Variants in ZNF211 observed in about 807,000 individuals in gnomAD.
ZNF211 encodes zinc finger protein 211, also known as zinc finger protein C2H2-25.
A neutral mutation model predicts 12.1 loss-of-function variants in ZNF211; 18 were observed. The ratio of observed to expected loss-of-function variants is 1.48; its 90% CI spans 1.03 to 2.20. The LOEUF (loss-of-function observed/expected upper bound fraction) is 2.20. ZNF211 is among the 30% of genes most tolerant of loss of function. The pLI, the probability that ZNF211 is intolerant of heterozygous loss-of-function variation, is 0.00. For missense variants in ZNF211, 677 were observed against 703.1 expected, an observed-to-expected ratio of 0.96 and a Z score of 0.42; for synonymous variants, 249 against 246.0, an observed-to-expected ratio of 1.01 and a Z score of -0.11.
intron 1 of ZNF211, 25 bp downstream of exon 1, chr19:57,633,461 C>G: frequency 6.4e-7 from 1 of 1,573,524 alleles, no homozygotes; most frequent in South Asian, 1.2e-5. Flanking sequence ...CTCCGGGCCT[C>G]CCCCGGCCGA....
intron 2 of ZNF211, 69 bp downstream of exon 2, chr19:57,634,130 C>G: frequency 6.8e-7 from 1 of 1,478,412 alleles, no homozygotes; most frequent in Non-Finnish European, 9.1e-7. Context: ...CAGATATTTT[C>G]TTTAGATTTG....
At chr19:57,638,170 A>G (rs1982383860) in intron 3 of ZNF211, among the ~76,000 whole-genome samples, 1 of 152,124 alleles carries the variant, frequency 6.6e-6, no homozygotes, top group African/African-American at 2.4e-5. Context: ...AAGTGCTGGA[A>G]TTACAGGCAT....
At position 57,633,360 on chromosome 19, in the gene ZNF211, C is replaced by T. The variant is rs758946683; in HGVS notation, c.14C>T (p.Pro5Leu). MLGF[P>L]PGRPQLPVQL... ...CTGGGGATAGCGATGCTCGGGTTCC[C>T]CCCGGGTCGCCCGCAGCTCCCGGTC... Residue 5 changes from proline to leucine, a missense_variant, in exon 1 of 4, where the codon CCC becomes CTC. Pro to Leu is a moderately conservative substitution (Grantham distance 98). Coordinates refer to ENST00000240731, the MANE Select transcript of ZNF211 (RefSeq NM_006385.5). 6.3e-6 allele frequency: 10 copies of T among 1,596,504 alleles called. No individual in the cohort carries two copies. Among genetic ancestry groups the T allele is most frequent in the African/African-American group, 2.7e-5 (2 of 74,894 alleles).
chr19:57,639,554 C>T (rs955788360), intron 3 of ZNF211, among the ~76,000 whole-genome samples: 14 of 149,532 alleles, frequency 9.4e-5, no homozygotes, highest in Non-Finnish European at 1.8e-4. Context: ...TGAGTAATCC[C>T]TCCTGGGATT....
intron 3 of ZNF211, among the ~76,000 whole-genome samples, chr19:57,636,239 A>T (rs1982116522): frequency 6.6e-6 from 1 of 152,040 alleles, no homozygotes; most frequent in Non-Finnish European, 1.5e-5. Flanking sequence ...CAAGTTTCTC[A>T]TTTTGATGAA....
intron 3 of ZNF211, among the ~76,000 whole-genome samples, chr19:57,636,147 C>T (rs1307916307): frequency 6.6e-6 from 1 of 151,962 alleles, no homozygotes; most frequent in African/African-American, 2.4e-5. Context: ...TAGATATTCC[C>T]TTATCAGATA....
At position 57,633,451 on chromosome 19, in the gene ZNF211, C is replaced by A; in HGVS notation, c.90+15C>A. 6.3e-7 allele frequency: 1 copy of A among 1,585,616 alleles called. No individual in the cohort carries two copies. Among genetic ancestry groups the A allele is most frequent in the Non-Finnish European group, 8.5e-7 (1 of 1,171,936 alleles). On this transcript the variant is annotated intron_variant, in intron 1 of 3. Transcript: ENST00000240731. ...ACCCGGCTTCGGTGAGCGCTGCGAT[C>A]TCCGGGCCTCCCCCGGCCGAGATTC...
chr19:57,642,036 C>T lies in ZNF211; in HGVS notation c.1589C>T (p.Ser530Phe), dbSNP rs199579625. Residue 530 changes from serine to phenylalanine, a missense_variant, in exon 4 of 4, where the codon TCC becomes TTC. Coordinates refer to ENST00000240731, the MANE Select transcript of ZNF211 (RefSeq NM_006385.5). ...TATGAGTGCAGTGAATGTGGGAAAT[C>T]CTTTAGCCAAAGTTCTAGCCTCATT... Reference protein sequence around the residue: ...RPYECSECGKSFSQSSSLIQH... With the variant: ...RPYECSECGKFFSQSSSLIQH... 6.2e-6 allele frequency: 10 copies of T among 1,614,048 alleles called. No homozygotes were observed. The highest frequency in any genetic ancestry group is 1.3e-5 in the African/African-American group (1 of 74,932).
At chr19:57,637,239 A>G (rs1982256964) in intron 3 of ZNF211, among the ~76,000 whole-genome samples, 1 of 150,908 alleles carries the variant, frequency 6.6e-6, no homozygotes. Context: ...TCTTGTCCTT[A>G]ATCTTAGAGG....
rs1439083682 is a variant in ZNF211, at chr19:57,633,415, C to T, written c.69C>T (p.Thr23=). The T allele has an allele frequency of 3.2e-5, 51 of 1,602,870 alleles. No individual in the cohort carries two copies. Among genetic ancestry groups the T allele is most frequent in the Non-Finnish European group, 4.1e-5 (48 of 1,178,384 alleles). The change falls in exon 1 of 4, where the codon ACC becomes ACT. Residue 23 remains threonine, a synonymous_variant. Transcript: ENST00000240731. ...TCCGCCCACAGACTCGGATGGCGAC[C>T]GCACTGAGGGACCCGGCTTCGGTGA... ...VQLRPQTRMA[T]ALRDPASVPI...
chr19:57,640,955 C>T lies in ZNF211; in HGVS notation c.508C>T (p.His170Tyr), dbSNP rs1231044966. The T allele has an allele frequency of 6.2e-7, 1 of 1,614,214 alleles. No homozygotes were observed. The highest frequency in any genetic ancestry group is 8.5e-7 in the Non-Finnish European group (1 of 1,180,040). The part of the protein sequence containing the change: ...SANLQQHQRQ[H>Y]ITEAPFRSYV... ...AAATCTTCAACAGCACCAGAGGCAG[C>T]ACATTACAGAGGCACCTTTCAGAAG... Residue 170 changes from histidine to tyrosine, a missense_variant, in exon 4 of 4, where the codon CAC (histidine) becomes TAC (tyrosine). His to Tyr is a moderately conservative substitution (Grantham distance 83). Coordinates refer to ENST00000240731, the MANE Select transcript of ZNF211 (RefSeq NM_006385.5).
chr19:57,640,292 T>C (rs1048768790), intron 3 of ZNF211, among the ~76,000 whole-genome samples: 1 of 152,254 alleles, frequency 6.6e-6, no homozygotes, highest in African/African-American at 2.4e-5. Context: ...TAGTGTTCTT[T>C]AATATTATTT....
At chr19:57,633,645 C>G (rs1265332209) in intron 1 of ZNF211, 3 of 1,533,878 alleles carry the variant, frequency 2.0e-6, no homozygotes, top group Non-Finnish European at 1.7e-6. Flanking sequence ...AGGGGGCATT[C>G]AGGAACCTGG....
Position 57,633,381 on chromosome 19 carries a change from C to T in ZNF211, c.35C>T (p.Pro12Leu), listed in dbSNP as rs773995396. ...TTCCCCCCGGGTCGCCCGCAGCTCC[C>T]GGTCCAGCTCCGCCCACAGACTCGG... ...LGFPPGRPQL[P>L]VQLRPQTRMA... Residue 12 changes from proline to leucine, a missense_variant, in exon 1 of 4, where the codon CCG (proline) becomes CTG (leucine). Pro to Leu is a moderately conservative substitution (Grantham distance 98). Transcript: ENST00000240731. The T allele has an allele frequency of 5.0e-6, 8 of 1,603,032 alleles. No homozygotes were observed. Among genetic ancestry groups the T allele is most frequent in the Middle Eastern group, 1.7e-4 (1 of 5,998 alleles).
chr19:57,641,565 G>A lies in ZNF211; in HGVS notation c.1118G>A (p.Arg373His), dbSNP rs142923663. 1,459 of 1,612,996 alleles carry A rather than the reference G, an allele frequency of 9.0e-4. No homozygotes were observed. The highest frequency in any genetic ancestry group is 1.3e-3 in the Middle Eastern group (8 of 6,052). Residue 373 changes from arginine to histidine, a missense_variant, in exon 4 of 4, where the codon CGC becomes CAC. Physicochemically the swap from Arg to His is conservative, Grantham distance 29. Transcript: ENST00000240731. ...CAAAGGTCCAACCTCATGCAGCATC[G>A]CAGAGTTCACACTGGAGAAAGGCCT... ...FSQRSNLMQH[R>H]RVHTGERPYE... is the part of the protein sequence containing the mutation.
chr19:57,634,035 A>T lies in ZNF211; in HGVS notation c.103A>T (p.Thr35Ser), dbSNP rs1981814722. The change falls in exon 2 of 4, where the codon ACA becomes TCA. Residue 35 changes from threonine (T) to serine (S), a missense_variant. Physicochemically the swap from Thr to Ser is moderately conservative, Grantham distance 58 (BLOSUM62 1). Transcript: ENST00000240731. ...CGTCTTTCCACAGGTTCCCATAGCT[A>T]CAGAGGTGCTTTTCAAACTTACACA... ...LRDPASVPIA[T>S]EVLFKLTQGS... is the part of the protein sequence containing the mutation. 6.3e-7 allele frequency: 1 copy of T among 1,586,552 alleles called. No individual in the cohort carries two copies. The highest frequency in any genetic ancestry group is 8.6e-7 in the Non-Finnish European group (1 of 1,168,342).
In ZNF211 at chr19:57,642,226, AG is replaced by A; in HGVS notation, c.*47del. ...TTTCCTTTTAGTGTAATTATACTGA[AG>A]GAGTACACCTGTGAGAGAGACAAGT... On this transcript the variant is annotated 3_prime_UTR_variant, in exon 4 of 4. Coordinates refer to ENST00000240731, the MANE Select transcript of ZNF211 (RefSeq NM_006385.5). 1 of 1,541,818 alleles carries A rather than the reference AG, an allele frequency of 6.5e-7. No individual in the cohort carries two copies. Among genetic ancestry groups the A allele is most frequent in the Admixed American group, 1.9e-5 (1 of 52,518 alleles).
chr19:57,640,224 G>A (rs188944451), intron 3 of ZNF211, among the ~76,000 whole-genome samples: 6 of 152,252 alleles, frequency 3.9e-5, no homozygotes, highest in African/African-American at 1.2e-4. Context: ...TCTAGCTAAC[G>A]CTAATCCTCA....
chr19:57,640,946 C>T lies in ZNF211; in HGVS notation c.499C>T (p.Gln167Ter), dbSNP rs878910215. Residue 167 changes from glutamine to a stop codon, truncating the protein, a stop_gained, in exon 4 of 4, where the codon CAG (glutamine) becomes TAG (stop). Transcript: ENST00000240731. LOFTEE classifies it low-confidence loss of function (END_TRUNC). ...CATCAGTGCAAATCTTCAACAGCAC[C>T]AGAGGCAGCACATTACAGAGGCACC... ...FYISANLQQH[Q>*]RQHITEAPFR... 4 of 1,614,188 alleles carry T rather than the reference C, an allele frequency of 2.5e-6. No homozygotes were observed. Among genetic ancestry groups the T allele is most frequent in the Admixed American group, 3.3e-5 (2 of 60,020 alleles).
Sources: gnomAD v4.1 joint callset for allele counts (sites outside exome capture counted in the v4.1 genomes callset) on GRCh38, gnomAD v4.1.1 for gene constraint, MANE v1.5 for transcripts, NCBI Gene and HGNC (gene_info 2026-07-23, HGNC 2026-07-21) for gene names.